The following PNMA8A variants were observed in gnomAD, a reference collection of about 807,000 sequenced individuals.
The protein encoded by PNMA8A is paraneoplastic antigen-like protein 8A.
Under a neutral mutation model 26.6 loss-of-function variants are expected in PNMA8A, and 17 were observed. The observed-to-expected ratio is 0.64, with a 90% confidence interval of 0.44 to 0.96. PNMA8A has a LOEUF of 0.96. Ranked by LOEUF, PNMA8A falls within the 40% of genes least tolerant of loss-of-function variation. The pLI, the probability that PNMA8A is intolerant of heterozygous loss-of-function variation, is 0.00. For synonymous variants in PNMA8A, 224 were observed against 182.0 expected (o/e 1.23, Z -1.86); for missense variants, 532 against 488.4 (o/e 1.09, Z -0.84).
intron 1 of PNMA8A, 59 bp from the exon 2 acceptor site, chr19:46,471,173 C>A (rs1384733774): frequency 1.7e-6 from 1 of 581,568 alleles, no homozygotes; most frequent in Non-Finnish European, 3.0e-6. Context: ...GCTCACAGAT[C>A]CTAGCTGCCC....
At position 46,470,040 on chromosome 19, in the gene PNMA8A, G is replaced by A; in HGVS notation, c.996C>T (p.Ala332=). ...GGCCACCATCTTGGTCTGACTCAGA[G>A]GCGCCTCCTGGGCTCTCGGCTTCTG... ...ARAEAESPGG[A]SESDQDGGHE... Residue 332 remains alanine (A), a synonymous_variant, in exon 2 of 3, where the codon GCC becomes GCT. Coordinates refer to ENST00000313683, the MANE Select transcript of PNMA8A (RefSeq NM_018215.4). The A allele has an allele frequency of 6.3e-7, 1 of 1,597,116 alleles. No individual in the cohort carries two copies. The highest frequency in any genetic ancestry group is 8.5e-7 in the Non-Finnish European group (1 of 1,173,524).
intron 2 of PNMA8A, 57 bp downstream of exon 2, chr19:46,469,676 C>T: frequency 6.6e-7 from 1 of 1,514,632 alleles, no homozygotes; most frequent in Admixed American, 2.1e-5. Context: ...CACTCCTGCT[C>T]CTCCTGCCTC....
In PNMA8A at chr19:46,470,776, G is replaced by A; in HGVS notation, c.260C>T (p.Pro87Leu). 1 of 785,356 alleles carries A rather than the reference G, an allele frequency of 1.3e-6. No homozygotes were observed. 48.6% of individuals were successfully genotyped at this position (785,356 alleles called of 1,614,324 possible). ...CACTCTCCAGACACCACCCCTTCCT[G>A]GGAATTCACGGGGGATGGTGCTCAG... ...VNLSTIPREF[P>L]GRGGVWRVVC... The change falls in exon 2 of 3, where the codon CCA (proline) becomes CTA (leucine). Residue 87 changes from proline (P) to leucine (L), a missense_variant. By Grantham distance (98) the Pro-to-Leu change is moderately conservative (BLOSUM62 -3). Transcript: ENST00000313683.
In PNMA8A at chr19:46,471,135, G is replaced by A. The variant is rs958109665; in HGVS notation, c.-79-21C>T. 3 of 630,786 alleles carry A rather than the reference G, an allele frequency of 4.8e-6. No homozygotes were observed. The African/African-American group carries it at 5.5e-5, about 11-fold the overall frequency. The allele number at this position is 630,786 out of a possible 1,614,324, so 39.1% of individuals were successfully genotyped here. ...TAATCCTGCAAGGTGACAAGGGAGC[G>A]AGGTCACGTTCCCAGGAAGATGACC... On this transcript the variant is annotated intron_variant, in intron 1 of 2. Coordinates refer to ENST00000313683, the MANE Select transcript of PNMA8A (RefSeq NM_018215.4).
Position 46,468,589 on chromosome 19 carries a change from T to C in PNMA8A, c.1304-12A>G. 1 of 1,610,048 alleles carries C rather than the reference T, an allele frequency of 6.2e-7. No individual in the cohort carries two copies. Among genetic ancestry groups the C allele is most frequent in the Non-Finnish European group, 8.5e-7 (1 of 1,176,388 alleles). The stretch of plus-strand genomic sequence containing the variant: ...AACCTTTCTGGATTCTGCAAATAAA[T>C]GAGAGAACAGATCAAGAAGGGAAGC... On this transcript the variant is annotated splice_polypyrimidine_tract_variant and intron_variant, in intron 2 of 2. Coordinates refer to ENST00000313683, the MANE Select transcript of PNMA8A (RefSeq NM_018215.4).
In PNMA8A at chr19:46,468,496, G is replaced by A. The variant is rs73551171; in HGVS notation, c.*65C>T. ...CAAAGTCTTATTCAGTGACAAGAGA[G>A]AACTTGGTTGACTTGGTACTTCTTC... On this transcript the variant is annotated 3_prime_UTR_variant, in exon 3 of 3. Transcript: ENST00000313683. 5,165 of 1,502,984 alleles carry A rather than the reference G, an allele frequency of 3.4e-3. 122 individuals carry two copies. The African/African-American group carries it at 0.059, about 17-fold the overall frequency. 93.1% of individuals were successfully genotyped at this position (1,502,984 alleles called of 1,614,324 possible).
At position 46,469,269 on chromosome 19, in the gene PNMA8A, C is replaced by A. The variant is rs138240571; in HGVS notation, c.1303+464G>T. Among the ~76,000 whole-genome samples, 30 of 151,368 alleles carry A rather than the reference C, an allele frequency of 2.0e-4. No individual in the cohort carries two copies. The East Asian group carries it at 5.7e-3, about 29-fold the overall frequency. On this transcript the variant is annotated intron_variant, in intron 2 of 2. Coordinates refer to ENST00000313683, the MANE Select transcript of PNMA8A (RefSeq NM_018215.4). ...GATTACAGGTATGTGGCACCACACC[C>A]GGCTAATTTTTTGTATTTTTAGTAG...
Position 46,470,427 on chromosome 19 carries a change from T to G in PNMA8A, c.609A>C (p.Ala203=), listed in dbSNP as rs1317195475. ...CCTTTAAGGCAGAACCCACCTCTGC[T>G]GCAAGCCCCGGTTCTTTCTTCACCT... ...GRKVKKEPGL[A]AEVGSALKAE... The change falls in exon 2 of 3, where the codon GCA becomes GCC. Residue 203 remains alanine (A), a synonymous_variant. Coordinates refer to ENST00000313683, the MANE Select transcript of PNMA8A (RefSeq NM_018215.4). The G allele has an allele frequency of 6.2e-7, 1 of 1,614,114 alleles. No individual in the cohort carries two copies. Among genetic ancestry groups the G allele is most frequent in the East Asian group, 2.2e-5 (1 of 44,868 alleles).
In PNMA8A at chr19:46,467,646, AC is replaced by A. The variant is rs1969725546; in HGVS notation, c.*914del. 1 of 152,212 alleles carries A rather than the reference AC, an allele frequency of 6.6e-6. No individual in the cohort carries two copies. The highest frequency in any genetic ancestry group is 6.5e-5 in the Admixed American group (1 of 15,276). The allele number at this position is 152,212 out of a possible 1,614,324, so 9.4% of individuals were successfully genotyped here. A position where few individuals can be genotyped will look rare whatever the true frequency, so the allele number is the denominator to read the frequency against. On this transcript the variant is annotated 3_prime_UTR_variant, in exon 3 of 3. Coordinates refer to ENST00000313683, the MANE Select transcript of PNMA8A (RefSeq NM_018215.4). ...TCTTAAACGCCTGACCTCGTGATCGACCTGCCTCAGCCTCCCAAAGTGCTGG... is the reference window on the plus strand; with the variant it reads ...TCTTAAACGCCTGACCTCGTGATCGACTGCCTCAGCCTCCCAAAGTGCTGG...
chr19:46,470,380 T>C lies in PNMA8A; in HGVS notation c.656A>G (p.Asn219Ser), dbSNP rs767899881. ...ALKAETPNNW[N>S]ATEDQHEPTK... ...AGGCTCATGCTGGTCTTCCGTGGCA[T>C]TCCAGTTGTTGGGGGTCTCTGCCTT... The change falls in exon 2 of 3, where the codon AAT (asparagine) becomes AGT (serine). Residue 219 changes from asparagine (N) to serine (S), a missense_variant. Coordinates refer to ENST00000313683, the MANE Select transcript of PNMA8A (RefSeq NM_018215.4). 9.3e-6 allele frequency: 15 copies of C among 1,614,006 alleles called. No individual in the cohort carries two copies. The African/African-American group carries it at 1.6e-4, about 17-fold the overall frequency.
In PNMA8A at chr19:46,466,998, G is replaced by C. The variant is rs1031280934; in HGVS notation, c.*1563C>G. The C allele has an allele frequency of 1.3e-5, 2 of 152,154 alleles. No individual in the cohort carries two copies. The highest frequency in any genetic ancestry group is 4.8e-5 in the African/African-American group (2 of 41,446). The allele number at this position is 152,154 out of a possible 1,614,324, so 9.4% of individuals were successfully genotyped here. On this transcript the variant is annotated 3_prime_UTR_variant, in exon 3 of 3. Transcript: ENST00000313683. ...AACAAGAGCATGTGAATGACGAAAG[G>C]AAACTTGCTTTCAGGGTGTCAGATT...
In PNMA8A at chr19:46,469,866, C is replaced by T. The variant is rs1353018662; in HGVS notation, c.1170G>A (p.Lys390=). ...EDGRKKPVMP[K]KGPGSRREAS... is the part of the protein sequence containing the mutation. ...CCTCCCTTCTTGAGCCTGGCCCTTT[C>T]TTTGGCATCACCGGCTTCTTCCTGC... The change falls in exon 2 of 3, where the codon AAG becomes AAA. Residue 390 remains lysine, a synonymous_variant. Coordinates refer to ENST00000313683, the MANE Select transcript of PNMA8A (RefSeq NM_018215.4). 15 of 1,614,132 alleles carry T rather than the reference C, an allele frequency of 9.3e-6. No individual in the cohort carries two copies. The highest frequency in any genetic ancestry group is 1.3e-5 in the Non-Finnish European group (15 of 1,180,046).
intron 2 of PNMA8A, 61 bp downstream of exon 2, chr19:46,469,672 T>A: frequency 6.7e-7 from 1 of 1,499,582 alleles, no homozygotes; most frequent in Admixed American, 2.3e-5. Context: ...CTGCCACTCC[T>A]GCTCCTCCTG....
At chr19:46,469,462 A>G (rs1305114162) in intron 2 of PNMA8A, among the ~76,000 whole-genome samples, 1 of 152,054 alleles carries the variant, frequency 6.6e-6, no homozygotes, top group East Asian at 1.9e-4. Context: ...GTGGCAAATG[A>G]CCACAGTGAC....
In PNMA8A at chr19:46,467,707, G is replaced by A. The variant is rs2147462947; in HGVS notation, c.*854C>T. On this transcript the variant is annotated 3_prime_UTR_variant, in exon 3 of 3. Transcript: ENST00000313683. Reference sequence around the variant, plus strand: ...CGTGAGCCACCGTGCCCGGCCAACAGCCAAGTTTTAAAAGATTTTTTTCCC... The same window carrying A: ...CGTGAGCCACCGTGCCCGGCCAACAACCAAGTTTTAAAAGATTTTTTTCCC... The A allele has an allele frequency of 6.6e-6, 1 of 152,456 alleles. No homozygotes were observed. Among genetic ancestry groups the A allele is most frequent in the Non-Finnish European group, 1.5e-5 (1 of 68,124 alleles). 9.4% of individuals were successfully genotyped at this position (152,456 alleles called of 1,614,324 possible). A position where few individuals can be genotyped will look rare whatever the true frequency, so the allele number is the denominator to read the frequency against.
intron 2 of PNMA8A, among the ~76,000 whole-genome samples, chr19:46,469,027 G>A (rs1969745992): frequency 6.6e-6 from 1 of 151,960 alleles, no homozygotes; most frequent in Non-Finnish European, 1.5e-5. Flanking sequence ...GTAGAGATGG[G>A]GTTTCACCAT....
rs114902340 is a variant in PNMA8A at position 46,469,890 on chromosome 19, G to A, written c.1146C>T (p.Gly382=). Residue 382 remains glycine, a synonymous_variant, in exon 2 of 3, where the codon GGC becomes GGT. Coordinates refer to ENST00000313683, the MANE Select transcript of PNMA8A (RefSeq NM_018215.4). ...TCTTTGGCATCACCGGCTTCTTCCT[G>A]CCATCTTCTGAGTCAACCAAGACGT... The part of the protein sequence containing the change: ...VSYVLVDSED[G]RKKPVMPKKG... The A allele has an allele frequency of 1.3e-3, 2,144 of 1,614,196 alleles. 19 individuals carry two copies. The highest frequency in any genetic ancestry group is 5.9e-3 in the Middle Eastern group (36 of 6,062).
In PNMA8A at chr19:46,468,561, T is replaced by C. The variant is rs1969739422; in HGVS notation, c.1320A>G (p.Ter440TrpextTer10). The change falls in exon 3 of 3, where the codon TGA becomes TGG. Residue 440 changes from the stop codon to tryptophan, a stop_lost. Coordinates refer to ENST00000313683, the MANE Select transcript of PNMA8A (RefSeq NM_018215.4). ...RRATNESRKV[*>W] ...TCCTCAGTATGGGTGGTCCCCCAGA[T>C]CAAACCTTTCTGGATTCTGCAAATA... is the stretch of plus-strand genomic sequence containing the variant. 1 of 1,612,986 alleles carries C rather than the reference T, an allele frequency of 6.2e-7. No individual in the cohort carries two copies. Among genetic ancestry groups the C allele is most frequent in the South Asian group, 1.1e-5 (1 of 91,034 alleles).
chr19:46,469,636 C>G (rs938220515), intron 2 of PNMA8A, 97 bp downstream of exon 2: 137 of 1,358,816 alleles, frequency 1.0e-4, no homozygotes, highest in Admixed American at 1.7e-4. Flanking sequence ...CTTGACCCAC[C>G]ACCTCCTCGG....
Sources: allele counts gnomAD v4.1 joint callset (sites outside exome capture counted in the v4.1 genomes callset), GRCh38; gene constraint gnomAD v4.1.1; transcripts MANE v1.5; gene names NCBI Gene and HGNC (gene_info 2026-07-23, HGNC 2026-07-21).